KSR1: variants seen among roughly 807,000 people sequenced by gnomAD.
KSR1 encodes the protein kinase suppressor of ras 1, also known as kinase suppressor of ras.
In KSR1, 35 loss-of-function variants were observed where a neutral mutation model predicts 92.9. The observed-to-expected ratio is 0.38, with a 90% CI of 0.29 to 0.50. KSR1 has a LOEUF of 0.50. KSR1 is among the 20% of genes least tolerant of loss of function. KSR1 has a pLI of 0.94. For synonymous variants in KSR1, 467 were observed against 472.6 expected, an observed-to-expected ratio of 0.99 and a Z score of 0.15; for missense variants, 972 against 1,158.5, an observed-to-expected ratio of 0.84 and a Z score of 2.34.
At chr17:27,564,772 C>T (rs1370201819) in intron 2 of KSR1, among the ~76,000 whole-genome samples, 1 of 125,006 alleles carries the variant, frequency 8.0e-6, no homozygotes, top group East Asian at 2.8e-4. Flanking sequence ...ACAGTAGGCT[C>T]AGGAAATGGG....
At chr17:27,517,542 C>T (rs924125675) in intron 1 of KSR1, among the ~76,000 whole-genome samples, 3 of 152,182 alleles carry the variant, frequency 2.0e-5, no homozygotes, top group African/African-American at 7.2e-5. Context: ...GCAATCCGCC[C>T]ACCTTGGCCT....
rs374279149 is a variant in KSR1, at chr17:27,459,721, A to G, written c.231+2847A>G. 1.8e-4 allele frequency among the ~76,000 whole-genome samples: 27 copies of G among 152,366 alleles called. No individual in the cohort carries two copies. The highest frequency in any genetic ancestry group is 1.7e-3 in the East Asian group (9 of 5,184). ...GGAGCCCCAGCTCACTCTGGCCTTC[A>G]TTAAATAAACACTCAGTGGGAGAAG... On this transcript the variant is annotated intron_variant, in intron 1 of 20. Coordinates refer to ENST00000644974, the MANE Select transcript of KSR1 (RefSeq NM_001394583.1). The surrounding 1 kb of genome is among the most constrained non-coding windows in gnomAD (Gnocchi z 4.6).
At chr17:27,509,935 C>T (rs2069537529) in intron 1 of KSR1, among the ~76,000 whole-genome samples, 1 of 152,244 alleles carries the variant, frequency 6.6e-6, no homozygotes, top group Admixed American at 6.5e-5. Flanking sequence ...TGGCTTTAAT[C>T]TCCTTACCTA....
chr17:27,621,466 G>C (rs1265797815), intron 20 of KSR1, among the ~76,000 whole-genome samples, 193 bp downstream of exon 20: 3 of 152,204 alleles, frequency 2.0e-5, no homozygotes, highest in African/African-American at 7.2e-5. Context: ...CGCTGGGTGA[G>C]AGAAGAGCCA....
intron 1 of KSR1, among the ~76,000 whole-genome samples, chr17:27,467,558 C>T (rs1597825842): frequency 6.6e-6 from 1 of 152,122 alleles, no homozygotes; most frequent in African/African-American, 2.4e-5. Flanking sequence ...GAATGGGTCT[C>T]TTAGGGTGTG....
Position 27,570,795 on chromosome 17 carries a change from G to C in KSR1, c.373-6697G>C, listed in dbSNP as rs528315487. ...ACATCCCCAGACCTGTTCTGTCCTG[G>C]GCTGCCTTAGCCAGACTTTGGGCCC... On this transcript the variant is annotated intron_variant, in intron 2 of 20. Transcript: ENST00000644974. 2.0e-5 allele frequency among the ~76,000 whole-genome samples: 3 copies of C among 152,292 alleles called. No homozygotes were observed. In the South Asian group the frequency reaches 6.2e-4, roughly 32 times the overall value.
chr17:27,611,776 A>G (rs557911039), intron 18 of KSR1, 147 bp downstream of exon 18: 1 of 914,992 alleles, frequency 1.1e-6, no homozygotes, highest in African/African-American at 1.6e-5. Flanking sequence ...TGAAAATGAT[A>G]TGCATTGCCC....
chr17:27,493,413 A>T (rs938981363), intron 1 of KSR1, among the ~76,000 whole-genome samples: 13 of 152,156 alleles, frequency 8.5e-5, no homozygotes, highest in Non-Finnish European at 1.8e-4. Context: ...ATGCCCTTGA[A>T]TTCTTTAACA....
chr17:27,562,161 G>C (rs1490698380), intron 2 of KSR1, among the ~76,000 whole-genome samples: 1 of 152,082 alleles, frequency 6.6e-6, no homozygotes, highest in Admixed American at 6.6e-5. Flanking sequence ...TGGTGTTTTT[G>C]ATCAATCCTT....
chr17:27,585,727 G>T, intron 5 of KSR1, 66 bp downstream of exon 5: 1 of 734,132 alleles, frequency 1.4e-6, no homozygotes, highest in East Asian at 2.6e-5. Flanking sequence ...TGTCCCCATC[G>T]GGGGTGGACC....
At chr17:27,504,824 A>G (rs2069318353) in intron 1 of KSR1, among the ~76,000 whole-genome samples, 1 of 152,188 alleles carries the variant, frequency 6.6e-6, no homozygotes, top group African/African-American at 2.4e-5. Context: ...TTGGAGAATA[A>G]TGATTTAGTG....
At chr17:27,573,572 A>AATCCAGCT (rs1567841739) in intron 2 of KSR1, among the ~76,000 whole-genome samples, 1 of 152,284 alleles carries the variant, frequency 6.6e-6, no homozygotes, top group Non-Finnish European at 1.5e-5. Flanking sequence ...AGCTGTAACC[A>AATCCAGCT]ATCCAGCTGT....
At chr17:27,495,980 G>A (rs996161764) in intron 1 of KSR1, among the ~76,000 whole-genome samples, 5 of 152,188 alleles carry the variant, frequency 3.3e-5, no homozygotes, top group African/African-American at 4.8e-5. Context: ...TTTAGGGTTG[G>A]GTCTTTATGC....
At position 27,577,483 on chromosome 17, in the gene KSR1, T is replaced by C. The variant is rs780172734; in HGVS notation, c.373-9T>C. 20 of 1,489,268 alleles carry C rather than the reference T, an allele frequency of 1.3e-5. No individual in the cohort carries two copies. The highest frequency in any genetic ancestry group is 1.8e-5 in the Non-Finnish European group (20 of 1,093,846). The allele number at this position is 1,489,268 out of a possible 1,614,324, so 92.3% of individuals were successfully genotyped here. On this transcript the variant is annotated splice_polypyrimidine_tract_variant and intron_variant, in intron 2 of 20. Coordinates refer to ENST00000644974, the MANE Select transcript of KSR1 (RefSeq NM_001394583.1). This position sits in a 1 kb window ranked among gnomAD's most constrained non-coding sequence, Gnocchi z 4.5. ...CACCGCCTCTCTGCCTGTCCCTCTG[T>C]CCCCTTAGGAGATCCCCCGAGACCT...
chr17:27,517,606 C>A (rs1042583584), intron 1 of KSR1, among the ~76,000 whole-genome samples: 10 of 152,188 alleles, frequency 6.6e-5, no homozygotes, highest in Admixed American at 6.5e-5. Flanking sequence ...GATAATAATT[C>A]TTTCATTTTC....
chr17:27,587,989 G>A (rs1033730173), intron 5 of KSR1, among the ~76,000 whole-genome samples: 1 of 152,212 alleles, frequency 6.6e-6, no homozygotes, highest in Non-Finnish European at 1.5e-5. Flanking sequence ...ATATCCTCCA[G>A]GGGCTTCTGC....
chr17:27,539,975 G>A (rs553175026), intron 1 of KSR1, among the ~76,000 whole-genome samples: 1 of 152,360 alleles, frequency 6.6e-6, no homozygotes, highest in African/African-American at 2.4e-5. Context: ...ACATAAAATG[G>A]CCTAGCAGTT....
chr17:27,574,043 CTA>C (rs2151145779), intron 2 of KSR1, among the ~76,000 whole-genome samples: 1 of 152,336 alleles, frequency 6.6e-6, no homozygotes, highest in African/African-American at 2.4e-5. Context: ...TTAAACATCT[CTA>C]TCATCATCTG....
At chr17:27,476,718 C>T (rs887253529) in intron 1 of KSR1, among the ~76,000 whole-genome samples, 3 of 152,222 alleles carry the variant, frequency 2.0e-5, no homozygotes, top group Middle Eastern at 3.4e-3. Flanking sequence ...AGGGTGGTGG[C>T]GATGAGGACA....
Sources: gnomAD v4.1 joint callset for allele counts (sites outside exome capture counted in the v4.1 genomes callset) on GRCh38, gnomAD v4.1.1 for gene constraint, Gnocchi (gnomAD v3.1) non-coding constraint, MANE v1.5 for transcripts, NCBI Gene and HGNC (gene_info 2026-07-23, HGNC 2026-07-21) for gene names.